Variants in PKDREJ observed in about 807,000 individuals in gnomAD.
PKDREJ encodes PKD and REJ homolog.
For synonymous variants in PKDREJ, 1,031 were observed against 1,095.5 expected, an observed-to-expected ratio of 0.94 and a Z score of 1.16; for missense variants, 2,507 against 2,807.2, an observed-to-expected ratio of 0.89 and a Z score of 2.42.
At position 46,257,246 on chromosome 22, in the gene PKDREJ, A is replaced by G. The variant is rs1172006014; in HGVS notation, c.6077T>C (p.Ile2026Thr). ...TGGGTTCGACAAGTAAAACCGAATT[A>G]TGCCAGTGGCCAGGAAATGTTTCCT... is the stretch of plus-strand genomic sequence containing the variant. ...FLRKHFLATG[I>T]IRFYLSNPED... Residue 2026 changes from isoleucine to threonine, a missense_variant, in exon 1 of 1, where the codon ATA becomes ACA. Transcript: ENST00000253255. This position sits in a 1 kb window ranked among gnomAD's most constrained non-coding sequence, Gnocchi z 4.7. 6.2e-7 allele frequency: 1 copy of G among 1,614,150 alleles called. No homozygotes were observed. Among genetic ancestry groups the G allele is most frequent in the South Asian group, 1.1e-5 (1 of 91,082 alleles).
chr22:46,260,739 A>G lies in PKDREJ; in HGVS notation c.2584T>C (p.Tyr862His). 2 of 1,614,152 alleles carry G rather than the reference A, an allele frequency of 1.2e-6. No homozygotes were observed. Among genetic ancestry groups the G allele is most frequent in the Non-Finnish European group, 1.7e-6 (2 of 1,180,002 alleles). Residue 862 changes from tyrosine to histidine, a missense_variant, in exon 1 of 1, where the codon TAT (tyrosine) becomes CAT (histidine). By Grantham distance (83) the Tyr-to-His change is moderately conservative. Coordinates refer to ENST00000253255, the MANE Select transcript of PKDREJ (RefSeq NM_006071.2). The surrounding 1 kb of genome is among the most constrained non-coding windows in gnomAD (Gnocchi z 4.5). ...TSMRTPNFNM[Y>H]VKKVEKWGIN... ...CCCCACTTTTCAACTTTCTTGACAT[A>G]CATGTTGAAATTGGGGGTTCTCATT...
Position 46,258,118 on chromosome 22 carries a change from G to A in PKDREJ, c.5205C>T (p.Asp1735=), listed in dbSNP as rs763691195. 1.9e-6 allele frequency: 3 copies of A among 1,613,972 alleles called. No individual in the cohort carries two copies. The highest frequency in any genetic ancestry group is 2.2e-5 in the East Asian group (1 of 44,900). ...LILIVLLRHT[D]CFYYNQFIRD... ...GAATAAACTGGTTATAGTAAAAGCA[G>A]TCAGTGTGACGTAGTAAGACGATAA... Residue 1735 remains aspartate (D), a synonymous_variant, in exon 1 of 1, where the codon GAC becomes GAT. Transcript: ENST00000253255. This position sits in a 1 kb window ranked among gnomAD's most constrained non-coding sequence, Gnocchi z 6.1.
In PKDREJ at chr22:46,257,792, A is replaced by G. The variant is rs953517367; in HGVS notation, c.5531T>C (p.Val1844Ala). 1.2e-6 allele frequency: 2 copies of G among 1,614,088 alleles called. No homozygotes were observed. The highest frequency in any genetic ancestry group is 1.7e-6 in the Non-Finnish European group (2 of 1,180,030). The change falls in exon 1 of 1, where the codon GTT becomes GCT. Residue 1844 changes from valine to alanine, a missense_variant. Coordinates refer to ENST00000253255, the MANE Select transcript of PKDREJ (RefSeq NM_006071.2). The surrounding 1 kb of genome is among the most constrained non-coding windows in gnomAD (Gnocchi z 4.7). ...ACTCTCATCTATAGCCTGCTTATCA[A>G]CTTCATTCCAAAAGCCAGAATAGTT... ...TKNYSGFWNE[V>A]DKQAIDESTN...
In PKDREJ at chr22:46,256,824, A is replaced by G. The variant is rs764927281; in HGVS notation, c.6499T>C (p.Phe2167Leu). The G allele has an allele frequency of 2.7e-5, 44 of 1,613,958 alleles. No homozygotes were observed. The highest frequency in any genetic ancestry group is 3.3e-5 in the Non-Finnish European group (39 of 1,180,030). ...LVMICVLINL[F>L]QAVILSAYEE... ...TATGCAGACAGAATTACAGCCTGAAATAAGTTGATCAAGACGCAGATCATC... is the reference window on the plus strand; with the variant it reads ...TATGCAGACAGAATTACAGCCTGAAGTAAGTTGATCAAGACGCAGATCATC... Residue 2167 changes from phenylalanine to leucine, a missense_variant, in exon 1 of 1, where the codon TTT (phenylalanine) becomes CTT (leucine). By Grantham distance (22) the Phe-to-Leu change is conservative (BLOSUM62 0). Coordinates refer to ENST00000253255, the MANE Select transcript of PKDREJ (RefSeq NM_006071.2). This position sits in a 1 kb window ranked among gnomAD's most constrained non-coding sequence, Gnocchi z 5.3.
Position 46,260,254 on chromosome 22 carries a change from C to T in PKDREJ, c.3069G>A (p.Ala1023=), listed in dbSNP as rs191579869. The change falls in exon 1 of 1, where the codon GCG becomes GCA. Residue 1023 remains alanine, a synonymous_variant. Transcript: ENST00000253255. This position sits in a 1 kb window ranked among gnomAD's most constrained non-coding sequence, Gnocchi z 4.5. ...GAGGCACCAGGAAGGTGGCGACCAGCGCTGTGGGAGTGATCTGACTGCCTG... is the reference window on the plus strand; with the variant it reads ...GAGGCACCAGGAAGGTGGCGACCAGTGCTGTGGGAGTGATCTGACTGCCTG... ...VYTGSQITPT[A]LVATFLVPHD... The T allele has an allele frequency of 1.0e-4, 165 of 1,614,136 alleles. No homozygotes were observed. Among genetic ancestry groups the T allele is most frequent in the South Asian group, 9.2e-4 (84 of 91,084 alleles).
In PKDREJ at chr22:46,261,207, C is replaced by A. The variant is rs749469281; in HGVS notation, c.2116G>T (p.Ala706Ser). Residue 706 changes from alanine (A) to serine (S), a missense_variant, in exon 1 of 1, where the codon GCA becomes TCA. Coordinates refer to ENST00000253255, the MANE Select transcript of PKDREJ (RefSeq NM_006071.2). The surrounding 1 kb of genome is among the most constrained non-coding windows in gnomAD (Gnocchi z 7.1). ...TLIQKKDFLP[A>S]GYLLYIVASV... is the part of the protein sequence containing the mutation. ...GCTACTATATACAGTAAGTAACCTG[C>A]AGGTAAAAAATCCTTCTTTTGAATC... 6.2e-7 allele frequency: 1 copy of A among 1,614,022 alleles called. No individual in the cohort carries two copies. Among genetic ancestry groups the A allele is most frequent in the South Asian group, 1.1e-5 (1 of 91,084 alleles).
chr22:46,257,697 A>G lies in PKDREJ; in HGVS notation c.5626T>C (p.Tyr1876His). The stretch of plus-strand genomic sequence containing the variant: ...TAGAGTGCATATCCTCCAGATCCAT[A>G]GGTGTGTAGTAGTCCATAGGAATAA... ...LYYSYGLLHT[Y>H]GSGGYALYFF... The change falls in exon 1 of 1, where the codon TAT (tyrosine) becomes CAT (histidine). Residue 1876 changes from tyrosine to histidine, a missense_variant. Tyr to His is a moderately conservative substitution (Grantham distance 83, BLOSUM62 2). Coordinates refer to ENST00000253255, the MANE Select transcript of PKDREJ (RefSeq NM_006071.2). This position sits in a 1 kb window ranked among gnomAD's most constrained non-coding sequence, Gnocchi z 4.7. The G allele has an allele frequency of 6.2e-7, 1 of 1,614,212 alleles. No homozygotes were observed. The highest frequency in any genetic ancestry group is 8.5e-7 in the Non-Finnish European group (1 of 1,180,038).
chr22:46,257,347 G>A lies in PKDREJ; in HGVS notation c.5976C>T (p.Ser1992=), dbSNP rs1322183696. ...GCAAATTATACACACTTCTCACATA[G>A]GAGGCTCTTTCTTGCATAATGATAC... ...EGCIIMQERA[S]YVRSVYNLLN... Residue 1992 remains serine (S), a synonymous_variant, in exon 1 of 1, where the codon TCC becomes TCT. Transcript: ENST00000253255. This position sits in a 1 kb window ranked among gnomAD's most constrained non-coding sequence, Gnocchi z 4.7. The A allele has an allele frequency of 6.2e-7, 1 of 1,613,852 alleles. No individual in the cohort carries two copies. The highest frequency in any genetic ancestry group is 1.3e-5 in the African/African-American group (1 of 74,914).
Position 46,262,087 on chromosome 22 carries a change from C to G in PKDREJ, c.1236G>C (p.Ser412=), listed in dbSNP as rs1452093934. ...EQANLKWPWA[S]GPVLTLLPET... ...CTGGCAAAAGTGTCAGTACAGGGCC[C>G]GAGGCCCAGGGCCATTTCAGATTGG... The change falls in exon 1 of 1, where the codon TCG becomes TCC. Residue 412 remains serine, a synonymous_variant. Coordinates refer to ENST00000253255, the MANE Select transcript of PKDREJ (RefSeq NM_006071.2). This position sits in a 1 kb window ranked among gnomAD's most constrained non-coding sequence, Gnocchi z 8.1. The G allele has an allele frequency of 6.2e-7, 1 of 1,614,128 alleles. No individual in the cohort carries two copies. The highest frequency in any genetic ancestry group is 8.5e-7 in the Non-Finnish European group (1 of 1,180,022).
Position 46,260,825 on chromosome 22 carries a change from A to T in PKDREJ, c.2498T>A (p.Val833Glu), listed in dbSNP as rs144934577. ...TATTGTGTCTGATAGAGATTCTATTACATAGAAAGGATCTTTAACTACTTG... is the reference window on the plus strand; with the variant it reads ...TATTGTGTCTGATAGAGATTCTATTTCATAGAAAGGATCTTTAACTACTTG... ...PHQVVKDPFY[V>E]IESLSDTILA... Residue 833 changes from valine to glutamate, a missense_variant, in exon 1 of 1, where the codon GTA (valine) becomes GAA (glutamate). Physicochemically the swap from Val to Glu is moderately radical, Grantham distance 121. Transcript: ENST00000253255. The surrounding 1 kb of genome is among the most constrained non-coding windows in gnomAD (Gnocchi z 4.5). The T allele has an allele frequency of 4.3e-6, 7 of 1,613,634 alleles. No individual in the cohort carries two copies. In the African/African-American group the frequency reaches 9.3e-5, roughly 22 times the overall value.
At position 46,258,553 on chromosome 22, in the gene PKDREJ, T is replaced by G; in HGVS notation, c.4770A>C (p.Ile1590=). 6.2e-7 allele frequency: 1 copy of G among 1,614,190 alleles called. No homozygotes were observed. Among genetic ancestry groups the G allele is most frequent in the Non-Finnish European group, 8.5e-7 (1 of 1,180,032 alleles). The part of the protein sequence containing the change: ...AWFLVFATSS[I]SSFFIVFYGL... ...CATAAAATACAATGAAGAATGAGGA[T>G]ATGCTAGAAGTAGCAAAAACCAAAA... The change falls in exon 1 of 1, where the codon ATA becomes ATC. Residue 1590 remains isoleucine (I), a synonymous_variant. Transcript: ENST00000253255. The surrounding 1 kb of genome is among the most constrained non-coding windows in gnomAD (Gnocchi z 6.1).
chr22:46,256,697 G>C lies in PKDREJ; in HGVS notation c.6626C>G (p.Ser2209Trp). ...AGGCTCATCTTTGGCCTTAGATTGCGAGGTCAGAAAGCTGAACATGGTTCT... is the reference window on the plus strand; with the variant it reads ...AGGCTCATCTTTGGCCTTAGATTGCCAGGTCAGAAAGCTGAACATGGTTCT... ...KLRTMFSFLT[S>W]QSKAKDEPEF... is the part of the protein sequence containing the mutation. Residue 2209 changes from serine (S) to tryptophan (W), a missense_variant, in exon 1 of 1, where the codon TCG becomes TGG. Transcript: ENST00000253255. This position sits in a 1 kb window ranked among gnomAD's most constrained non-coding sequence, Gnocchi z 5.3. 6.2e-7 allele frequency: 1 copy of C among 1,614,134 alleles called. No homozygotes were observed. The highest frequency in any genetic ancestry group is 1.1e-5 in the South Asian group (1 of 91,082).
rs550907956 is a variant in PKDREJ at position 46,261,177 on chromosome 22, C to T, written c.2146G>A (p.Val716Ile). 96 of 1,613,982 alleles carry T rather than the reference C, an allele frequency of 5.9e-5. No individual in the cohort carries two copies. Among genetic ancestry groups the T allele is most frequent in the South Asian group, 1.3e-4 (12 of 91,082 alleles). The change falls in exon 1 of 1, where the codon GTT becomes ATT. Residue 716 changes from valine (V) to isoleucine (I), a missense_variant. Physicochemically the swap from Val to Ile is conservative, Grantham distance 29. Transcript: ENST00000253255. This position sits in a 1 kb window ranked among gnomAD's most constrained non-coding sequence, Gnocchi z 7.1. ...AATTCAGTTTTCATGTTATTCAAAA[C>T]GGAAGCTACTATATACAGTAAGTAA... is the stretch of plus-strand genomic sequence containing the variant. ...AGYLLYIVAS[V>I]LNNMKTELPL...
chr22:46,263,222 A>C lies in PKDREJ; in HGVS notation c.101T>G (p.Val34Gly). Residue 34 changes from valine (V) to glycine (G), a missense_variant, in exon 1 of 1, where the codon GTC becomes GGC. Coordinates refer to ENST00000253255, the MANE Select transcript of PKDREJ (RefSeq NM_006071.2). This position sits in a 1 kb window ranked among gnomAD's most constrained non-coding sequence, Gnocchi z 9.4. ...PPVPRGAQAA[V>G]SGAPGGLLRG... ...GAGGAGGCCACCGGGCGCCCCGGAG[A>C]CGGCGGCTTGTGCCCCGCGAGGAAC... is the stretch of plus-strand genomic sequence containing the variant. 1 of 1,435,832 alleles carries C rather than the reference A, an allele frequency of 7.0e-7. No homozygotes were observed. The highest frequency in any genetic ancestry group is 1.5e-5 in the African/African-American group (1 of 66,046). 88.9% of individuals were successfully genotyped at this position (1,435,832 alleles called of 1,614,324 possible). A position where few individuals can be genotyped will look rare whatever the true frequency, so the allele number is the denominator to read the frequency against.
Position 46,256,984 on chromosome 22 carries a change from C to T in PKDREJ, c.6339G>A (p.Gln2113=). ...YMAFGYLVFG[Q]HEWNYSNLIH... is the part of the protein sequence containing the mutation. ...TCAAGTTACTGTAGTTCCATTCATG[C>T]TGACCAAACACCAGGTAACCAAAAG... Residue 2113 remains glutamine (Q), a synonymous_variant, in exon 1 of 1, where the codon CAG becomes CAA. Transcript: ENST00000253255. This position sits in a 1 kb window ranked among gnomAD's most constrained non-coding sequence, Gnocchi z 5.3. 1 of 1,613,998 alleles carries T rather than the reference C, an allele frequency of 6.2e-7. No individual in the cohort carries two copies. Among genetic ancestry groups the T allele is most frequent in the South Asian group, 1.1e-5 (1 of 91,074 alleles).
Position 46,260,708 on chromosome 22 carries a change from T to C in PKDREJ, c.2615A>G (p.Asn872Ser). ...GTGTTTCTCATTTCTGAAGAGCTGGTTGATACCCCACTTTTCAACTTTCTT... is the reference window on the plus strand; with the variant it reads ...GTGTTTCTCATTTCTGAAGAGCTGGCTGATACCCCACTTTTCAACTTTCTT... The part of the protein sequence containing the change: ...YVKKVEKWGI[N>S]QLFRNEKHCR... The change falls in exon 1 of 1, where the codon AAC becomes AGC. Residue 872 changes from asparagine to serine, a missense_variant. Transcript: ENST00000253255. This position sits in a 1 kb window ranked among gnomAD's most constrained non-coding sequence, Gnocchi z 4.5. 5 of 1,614,196 alleles carry C rather than the reference T, an allele frequency of 3.1e-6. No homozygotes were observed. The highest frequency in any genetic ancestry group is 4.2e-6 in the Non-Finnish European group (5 of 1,180,018).
Position 46,257,737 on chromosome 22 carries a change from T to A in PKDREJ, c.5586A>T (p.Gly1862=). ...STNGFTYKPQ[G]TQWLYYSYGL... is the part of the protein sequence containing the mutation. ...CATAGGAATAATATAGCCATTGCGT[T>A]CCTTGAGGCTTATAAGTAAATCCAT... Residue 1862 remains glycine (G), a synonymous_variant, in exon 1 of 1, where the codon GGA becomes GGT. Coordinates refer to ENST00000253255, the MANE Select transcript of PKDREJ (RefSeq NM_006071.2). The surrounding 1 kb of genome is among the most constrained non-coding windows in gnomAD (Gnocchi z 4.7). 6.2e-7 allele frequency: 1 copy of A among 1,614,148 alleles called. No homozygotes were observed. Among genetic ancestry groups the A allele is most frequent in the Non-Finnish European group, 8.5e-7 (1 of 1,179,970 alleles).
rs1936654405 is a variant in PKDREJ at position 46,258,201 on chromosome 22, G to C, written c.5122C>G (p.Leu1708Val). ...GTTAGAATGTAACTCAGAAACAGGA[G>C]TGCTCTTCTCTTGATCCTCTTCTTT... Reference protein sequence around the residue: ...KRKKRIKRRALLFLSYILTHF... With the variant: ...KRKKRIKRRAVLFLSYILTHF... Residue 1708 changes from leucine to valine, a missense_variant, in exon 1 of 1, where the codon CTC becomes GTC. Coordinates refer to ENST00000253255, the MANE Select transcript of PKDREJ (RefSeq NM_006071.2). The surrounding 1 kb of genome is among the most constrained non-coding windows in gnomAD (Gnocchi z 6.1). The C allele has an allele frequency of 3.1e-6, 5 of 1,614,176 alleles. No homozygotes were observed. The highest frequency in any genetic ancestry group is 1.3e-5 in the African/African-American group (1 of 75,060).
At position 46,261,431 on chromosome 22, in the gene PKDREJ, G is replaced by A. The variant is rs1160020445; in HGVS notation, c.1892C>T (p.Pro631Leu). 6.2e-7 allele frequency: 1 copy of A among 1,614,022 alleles called. No individual in the cohort carries two copies. The highest frequency in any genetic ancestry group is 8.5e-7 in the Non-Finnish European group (1 of 1,180,040). ...CAACATACCAACAGGGAGAAAGGAAGGGGGTACTGTGGACTGAGGCCCCAA... is the reference window on the plus strand; with the variant it reads ...CAACATACCAACAGGGAGAAAGGAAAGGGGTACTGTGGACTGAGGCCCCAA... ...LYLGPQSTVP[P>L]SFLPVGMLAS... The change falls in exon 1 of 1, where the codon CCT (proline) becomes CTT (leucine). Residue 631 changes from proline to leucine, a missense_variant. Coordinates refer to ENST00000253255, the MANE Select transcript of PKDREJ (RefSeq NM_006071.2). The surrounding 1 kb of genome is among the most constrained non-coding windows in gnomAD (Gnocchi z 7.1).
Sources: gnomAD v4.1 joint callset for allele counts on GRCh38, gnomAD v4.1.1 for gene constraint, Gnocchi (gnomAD v3.1) non-coding constraint, MANE v1.5 for transcripts, NCBI Gene and HGNC (gene_info 2026-07-23, HGNC 2026-07-21) for gene names.